The following TRIM22 variants were observed in gnomAD, a reference collection of about 807,000 sequenced individuals.
TRIM22 encodes tripartite motif containing 22, also known as E3 ubiquitin-protein ligase TRIM22.
Under a neutral mutation model 53.6 loss-of-function variants are expected in TRIM22, and 45 were observed. The ratio of observed to expected loss-of-function variants is 0.84; its 90% CI spans 0.66 to 1.08. TRIM22 has a LOEUF of 1.08. TRIM22 is among the 50% of genes least tolerant of loss of function. TRIM22 has a pLI of 0.00. For missense variants in TRIM22, 616 were observed against 590.9 expected (o/e 1.04, Z -0.44); for synonymous variants, 225 against 216.6 (o/e 1.04, Z -0.34).
chr11:5,698,105 A>G (rs190470646), intron 3 of TRIM22: 170 of 530,310 alleles, frequency 3.2e-4, no homozygotes, highest in African/African-American at 2.3e-3. Context: ...TTAGGCCTCA[A>G]TAAAACTGAC....
intron 6 of TRIM22, 78 bp from the exon 7 acceptor site, chr11:5,708,499 C>T (rs761475961): frequency 5.3e-4 from 739 of 1,396,106 alleles, no homozygotes; most frequent in Non-Finnish European, 7.0e-4. Context: ...CTTTCCTTTC[C>T]CTACTCTGGA....
chr11:5,697,901 C>T, intron 3 of TRIM22: 1 of 178,076 alleles, frequency 5.6e-6, no homozygotes, highest in South Asian at 1.2e-4. Flanking sequence ...GATGGGGTTT[C>T]ATCATGTTAG....
chr11:5,692,678 G>C (rs1853191171), intron 1 of TRIM22, among the ~76,000 whole-genome samples: 1 of 151,952 alleles, frequency 6.6e-6, no homozygotes, highest in African/African-American at 2.4e-5. Context: ...CAGGCACCTG[G>C]TGGCTTGTGC....
At chr11:5,701,961 T>A (rs953464138) in intron 4 of TRIM22, among the ~76,000 whole-genome samples, 1 of 151,784 alleles carries the variant, frequency 6.6e-6, no homozygotes, top group Admixed American at 6.6e-5. Context: ...TTTCCCTTCC[T>A]CTCTTTTTCT....
intron 3 of TRIM22, 177 bp downstream of exon 3, chr11:5,697,520 A>G: frequency 2.0e-6 from 1 of 505,140 alleles, no homozygotes; most frequent in Non-Finnish European, 3.5e-6. Context: ...GAGAGTAGAC[A>G]TATCATAAAT....
rs771029786 is a variant in TRIM22, at chr11:5,698,351, G to C, written c.556G>C (p.Gly186Arg). Residue 186 changes from glycine (G) to arginine (R), a missense_variant, in exon 4 of 8, where the codon GGG (glycine) becomes CGG (arginine). Gly to Arg is a moderately radical substitution (Grantham distance 125). Coordinates refer to ENST00000379965, the MANE Select transcript of TRIM22 (RefSeq NM_006074.5). ...GATCGAGAGACAGAAGATTCTGAAA[G>C]GGTTCAATGAAATGAGAGTCATCTT... ...IQIERQKILK[G>R]FNEMRVILDN... 1.2e-6 allele frequency: 2 copies of C among 1,614,206 alleles called. No individual in the cohort carries two copies. The highest frequency in any genetic ancestry group is 1.1e-5 in the South Asian group (1 of 91,086).
At chr11:5,707,208 C>T (rs76234690) in intron 5 of TRIM22, among the ~76,000 whole-genome samples, 1,874 of 152,220 alleles carry the variant, frequency 0.012, 45 homozygotes, top group African/African-American at 0.043. Flanking sequence ...TTTTTTTAAA[C>T]ACATGAAAAT....
chr11:5,696,291 A>G lies in TRIM22; in HGVS notation c.59A>G (p.Glu20Gly). 6.2e-7 allele frequency: 1 copy of G among 1,614,132 alleles called. No individual in the cohort carries two copies. Among genetic ancestry groups the G allele is most frequent in the Non-Finnish European group, 8.5e-7 (1 of 1,179,990 alleles). Reference protein sequence around the residue: ...EKEVTCPICLELLTEPLSLDC... With the variant: ...EKEVTCPICLGLLTEPLSLDC... ...GAGGTGACCTGCCCCATCTGCCTGG[A>G]GCTCCTGACAGAACCTCTGAGCCTA... The change falls in exon 2 of 8, where the codon GAG (glutamate) becomes GGG (glycine). Residue 20 changes from glutamate (E) to glycine (G), a missense_variant. Physicochemically the swap from Glu to Gly is moderately conservative, Grantham distance 98. Transcript: ENST00000379965.
At chr11:5,699,649 C>A (rs1590315747) in intron 4 of TRIM22, among the ~76,000 whole-genome samples, 2 of 127,818 alleles carry the variant, frequency 1.6e-5, no homozygotes, top group African/African-American at 5.7e-5. Context: ...ATATGAGTAA[C>A]AATACAAAAG....
chr11:5,695,042 C>T (rs530977096), intron 1 of TRIM22, among the ~76,000 whole-genome samples: 55 of 152,228 alleles, frequency 3.6e-4, no homozygotes, highest in Non-Finnish European at 6.2e-4. Context: ...TGTTTTATTC[C>T]TGTATGTGAT....
At chr11:5,699,322 A>C (rs1485610764) in intron 4 of TRIM22, among the ~76,000 whole-genome samples, 1 of 146,890 alleles carries the variant, frequency 6.8e-6, no homozygotes, top group Non-Finnish European at 1.5e-5. Flanking sequence ...CAGGAGATCG[A>C]GACCATCCTG....
intron 4 of TRIM22, among the ~76,000 whole-genome samples, chr11:5,700,577 T>C (rs2134178001): frequency 7.0e-6 from 1 of 142,340 alleles, no homozygotes; most frequent in South Asian, 2.2e-4. Context: ...ATGTTAGCTA[T>C]AGGAGTCTTT....
chr11:5,709,878 C>T lies in TRIM22; in HGVS notation c.*230C>T. 1.9e-6 allele frequency: 1 copy of T among 515,530 alleles called. No homozygotes were observed. The highest frequency in any genetic ancestry group is 3.4e-6 in the Non-Finnish European group (1 of 291,842). 31.9% of individuals were successfully genotyped at this position (515,530 alleles called of 1,614,324 possible). A position where few individuals can be genotyped will look rare whatever the true frequency, so the allele number is the denominator to read the frequency against. On this transcript the variant is annotated 3_prime_UTR_variant, in exon 8 of 8. Transcript: ENST00000379965. ...GGGCTGGAAATCCCAAATCTAGATT[C>T]CAGCAGAGTTGGTTCTTTCTGAGGT...
Position 5,696,177 on chromosome 11 carries a change from G to T in TRIM22, c.-56G>T, listed in dbSNP as rs550364872. 2.0e-6 allele frequency: 3 copies of T among 1,529,450 alleles called. No homozygotes were observed. In the African/African-American group the frequency reaches 4.1e-5, roughly 21 times the overall value. The allele number at this position is 1,529,450 out of a possible 1,614,324, so 94.7% of individuals were successfully genotyped here. A position where few individuals can be genotyped will look rare whatever the true frequency, so the allele number is the denominator to read the frequency against. ...CTTCAACATTCTCAGCACTGCAGGAGTTTGTGACCAAGAACTTCAAGAGTC... is the reference window on the plus strand; with the variant it reads ...CTTCAACATTCTCAGCACTGCAGGATTTTGTGACCAAGAACTTCAAGAGTC... On this transcript the variant is annotated 5_prime_UTR_variant, in exon 2 of 8. Coordinates refer to ENST00000379965, the MANE Select transcript of TRIM22 (RefSeq NM_006074.5).
chr11:5,695,368 T>A (rs1034053326), intron 1 of TRIM22, among the ~76,000 whole-genome samples: 6 of 152,052 alleles, frequency 3.9e-5, no homozygotes, highest in Admixed American at 2.0e-4. Context: ...GAGCCATAGA[T>A]TTGATAGTTT....
chr11:5,707,542 G>T (rs1590320654), intron 5 of TRIM22, among the ~76,000 whole-genome samples: 1 of 152,160 alleles, frequency 6.6e-6, no homozygotes, highest in East Asian at 1.9e-4. Context: ...GGGTGCAGTG[G>T]GTCACGCCTA....
In TRIM22 at chr11:5,700,536, G is replaced by A. The variant is rs531902433; in HGVS notation, c.750+1991G>A. On this transcript the variant is annotated intron_variant, in intron 4 of 7. Coordinates refer to ENST00000379965, the MANE Select transcript of TRIM22 (RefSeq NM_006074.5). ...CTTTCCTTTTTTCTGACCTTAGGGG[G>A]AAAGTACTCAGTCTCTCACTTATAA... 1.7e-3 allele frequency among the ~76,000 whole-genome samples: 248 copies of A among 143,532 alleles called. 1 individual carries two copies. Among genetic ancestry groups the A allele is most frequent in the Middle Eastern group, 7.8e-3 (2 of 258 alleles). The allele number at this position is 143,532 out of a possible 152,430, so 94.2% of individuals were successfully genotyped here. A position where few individuals can be genotyped will look rare whatever the true frequency, so the allele number is the denominator to read the frequency against.
chr11:5,706,775 T>C (rs1026687104), intron 5 of TRIM22, among the ~76,000 whole-genome samples, 159 bp downstream of exon 5: 3 of 152,212 alleles, frequency 2.0e-5, no homozygotes, highest in Non-Finnish European at 2.9e-5. Context: ...AAGTTTTCAA[T>C]TGTAAGAAAT....
At position 5,709,405 on chromosome 11, in the gene TRIM22, T is replaced by A. The variant is rs369359477; in HGVS notation, c.1254T>A (p.Tyr418Ter). The A allele has an allele frequency of 6.2e-7, 1 of 1,614,108 alleles. No homozygotes were observed. The highest frequency in any genetic ancestry group is 1.3e-5 in the African/African-American group (1 of 74,926). The change falls in exon 8 of 8, where the codon TAT becomes TAA. Residue 418 changes from tyrosine (Y) to a stop codon, truncating the protein, a stop_gained. Transcript: ENST00000379965. LOFTEE classifies it high-confidence loss of function. ...WVIGLQNTCEYNAFEDSSSSD... is the reference protein window; with the variant it reads ...WVIGLQNTCE ...TAGGATTACAGAATACATGTGAATA[T>A]AATGCTTTTGAGGACTCCTCCTCTT... is the stretch of plus-strand genomic sequence containing the variant.
Sources: allele counts gnomAD v4.1 joint callset (sites outside exome capture counted in the v4.1 genomes callset), GRCh38; gene constraint gnomAD v4.1.1; transcripts MANE v1.5; gene names NCBI Gene and HGNC (gene_info 2026-07-23, HGNC 2026-07-21).